Variants in CES5A observed in about 807,000 individuals in gnomAD.
CES5A encodes the protein carboxylesterase 5.
A neutral mutation model predicts 62.9 loss-of-function variants in CES5A; 67 were observed. The ratio of observed to expected loss-of-function variants is 1.07; its 90% CI spans 0.88 to 1.31. The LOEUF is 1.31. Ranked by LOEUF, CES5A falls within the 50% of genes most tolerant of loss-of-function variation. CES5A has a pLI of 0.00. For synonymous variants in CES5A, 296 were observed against 280.8 expected (o/e 1.05, Z -0.54); for missense variants, 748 against 708.5 (o/e 1.06, Z -0.63).
In CES5A at chr16:55,846,775, G is replaced by A. The variant is rs764165020; in HGVS notation, c.1489C>T (p.Arg497Ter). The A allele has an allele frequency of 1.1e-5, 18 of 1,613,972 alleles. No individual in the cohort carries two copies. Among genetic ancestry groups the A allele is most frequent in the East Asian group, 2.2e-5 (1 of 44,878 alleles). ...ACCGGGAGGTTTACTTACCCGGTTC[G>A]AGCAAAGGTAGCCCAGTATTTCATC... Reference protein sequence around the residue: ...KMMKYWATFARTGNPNGNDLS... With the variant: ...KMMKYWATFA The change falls in exon 12 of 13, where the codon CGA becomes TGA. Residue 497 changes from arginine to a stop codon, truncating the protein, a stop_gained. Coordinates refer to ENST00000290567, the MANE Select transcript of CES5A (RefSeq NM_001143685.2). LOFTEE classifies it low-confidence loss of function (END_TRUNC).
rs1380276667 is a variant in CES5A at position 55,911,182 on chromosome 16, T to A, written c.-256+14141A>T. Among the ~76,000 whole-genome samples the A allele has an allele frequency of 2.0e-5, 3 of 152,168 alleles. No individual in the cohort carries two copies. The East Asian group carries it at 5.8e-4, about 29-fold the overall frequency. ...TTGTTGCTCTGCCCCAGCCCCCACATGTCCTCCTTCTCTGCATGGTGAAAC... is the reference window on the plus strand; with the variant it reads ...TTGTTGCTCTGCCCCAGCCCCCACAAGTCCTCCTTCTCTGCATGGTGAAAC... On this transcript the variant is annotated intron_variant, in intron 1 of 12. Coordinates refer to the CES5A transcript ENST00000518005.
intron 1 of CES5A, among the ~76,000 whole-genome samples, chr16:55,874,310 C>T (rs866550544): frequency 9.9e-5 from 15 of 152,196 alleles, no homozygotes; most frequent in Admixed American, 3.9e-4. Context: ...AAACCCATCT[C>T]CCTTCTGCTG....
chr16:55,867,276 CT>C (rs2033484371), intron 4 of CES5A, among the ~76,000 whole-genome samples: 2 of 152,236 alleles, frequency 1.3e-5, no homozygotes, highest in South Asian at 4.1e-4. Context: ...AGGTTAAACC[CT>C]CTTGCCCAAG....
At chr16:55,949,462 C>A (rs777119378) in intron 2 of CES5A, among the ~76,000 whole-genome samples, 1 of 152,220 alleles carries the variant, frequency 6.6e-6, no homozygotes, top group Non-Finnish European at 1.5e-5. Flanking sequence ...GTCCTTCATT[C>A]CTAGAAGCTG....
Position 55,873,828 on chromosome 16 carries a change from C to A in CES5A, c.278+5G>T, listed in dbSNP as rs2033643327. ...AACCACCCGTGGGCCCGAACCTGGT[C>A]TTACAAATTAGGGTAGGAGGTGGCT... is the stretch of plus-strand genomic sequence containing the variant. On this transcript the variant is annotated splice_donor_5th_base_variant and intron_variant, in intron 2 of 12. Transcript: ENST00000290567. 1 of 1,610,380 alleles carries A rather than the reference C, an allele frequency of 6.2e-7. No homozygotes were observed. Among genetic ancestry groups the A allele is most frequent in the African/African-American group, 1.3e-5 (1 of 74,906 alleles).
At chr16:55,939,590 A>G (rs1174500276) in intron 2 of CES5A, among the ~76,000 whole-genome samples, 1 of 152,192 alleles carries the variant, frequency 6.6e-6, no homozygotes, top group Admixed American at 6.5e-5. Context: ...GAGACACTGT[A>G]TAGTTCTGGG....
intron 2 of CES5A, among the ~76,000 whole-genome samples, chr16:55,942,729 C>T (rs1380879773): frequency 1.3e-5 from 2 of 152,184 alleles, no homozygotes; most frequent in Admixed American, 6.5e-5. Context: ...GAAGAGGATG[C>T]TCATTGCAGT....
At chr16:55,878,039 C>G (rs2033716341), upstream of CES5A, among the ~76,000 whole-genome samples, 1 of 152,128 alleles carries the variant, frequency 6.6e-6, no homozygotes, top group Non-Finnish European at 1.5e-5. Flanking sequence ...ACCTTGATGT[C>G]CCCATTAGTA....
intron 1 of CES5A, among the ~76,000 whole-genome samples, chr16:55,905,567 A>G (rs935282652): frequency 5.9e-5 from 9 of 151,930 alleles, no homozygotes; most frequent in Non-Finnish European, 1.2e-4. Flanking sequence ...GGGTTTTACC[A>G]TGTTGGTCAG....
chr16:55,857,105 G>T (rs2033258531), intron 8 of CES5A, among the ~76,000 whole-genome samples: 1 of 152,154 alleles, frequency 6.6e-6, no homozygotes, highest in African/African-American at 2.4e-5. Flanking sequence ...TGTGGGTGGG[G>T]CCACAAAGAA....
chr16:55,859,682 T>G lies in CES5A; in HGVS notation c.921A>C (p.Thr307=), dbSNP rs530759766. The G allele has an allele frequency of 1.2e-6, 2 of 1,603,782 alleles. No individual in the cohort carries two copies. The highest frequency in any genetic ancestry group is 1.7e-5 in the Admixed American group (1 of 57,276). The change falls in exon 8 of 13, where the codon ACA becomes ACC. Residue 307 remains threonine (T), a synonymous_variant. Coordinates refer to ENST00000290567, the MANE Select transcript of CES5A (RefSeq NM_001143685.2). The part of the protein sequence containing the change: ...SKELLTLSQK[T]KSFTRVVDGA... ...CATCAACCACTCGAGTGAAAGACTT[T>G]GTTTTCTGTAATAAGGAAGAAAAAA...
intron 1 of CES5A, among the ~76,000 whole-genome samples, chr16:55,911,056 A>G (rs1415168362): frequency 6.6e-6 from 1 of 152,036 alleles, no homozygotes; most frequent in Admixed American, 6.6e-5. Context: ...CTCCCCACTC[A>G]TCTGCCAGTG....
intron 2 of CES5A, among the ~76,000 whole-genome samples, chr16:55,940,636 C>T (rs980521775): frequency 4.6e-5 from 7 of 151,764 alleles, no homozygotes; most frequent in African/African-American, 1.7e-4. Context: ...CAATTTCTTT[C>T]AGAAAATAGA....
At position 55,846,951 on chromosome 16, in the gene CES5A, A is replaced by G. The variant is rs2033026280; in HGVS notation, c.1424-111T>C. The stretch of plus-strand genomic sequence containing the variant: ...ACCCCTCCTCCCACTGTAAACTTAC[A>G]AGCCTACCAAGTCACTGTACCCATT... On this transcript the variant is annotated intron_variant, in intron 11 of 12. Coordinates refer to ENST00000290567, the MANE Select transcript of CES5A (RefSeq NM_001143685.2). 4.5e-6 allele frequency: 4 copies of G among 890,824 alleles called. No individual in the cohort carries two copies. The South Asian group carries it at 6.0e-5, about 13-fold the overall frequency. The allele number at this position is 890,824 out of a possible 1,614,324, so 55.2% of individuals were successfully genotyped here.
At chr16:55,907,524 T>C (rs2034050934) in intron 1 of CES5A, among the ~76,000 whole-genome samples, 2 of 152,212 alleles carry the variant, frequency 1.3e-5, no homozygotes, top group African/African-American at 2.4e-5. Flanking sequence ...AGAGGTTATG[T>C]TGTGGTTGAG....
intron 2 of CES5A, among the ~76,000 whole-genome samples, chr16:55,932,454 G>A (rs1217066584): frequency 6.6e-6 from 1 of 151,634 alleles, no homozygotes; most frequent in African/African-American, 2.4e-5. Context: ...ATGAGACAAA[G>A]AGTAAATATG....
intron 1 of CES5A, among the ~76,000 whole-genome samples, chr16:55,901,319 T>TA (rs35024439): frequency 0.73 from 111,480 of 152,008 alleles, 40,948 homozygotes; most frequent in African/African-American, 0.77. Context: ...CTTTCCTTTA[T>TA]AATTACCCAG....
chr16:55,854,544 C>CTTTCTTTTTTTTTTTT (rs2033200146), intron 9 of CES5A, among the ~76,000 whole-genome samples: 2 of 64,416 alleles, frequency 3.1e-5, no homozygotes, highest in East Asian at 1.2e-3. Flanking sequence ...TTTTTTTTTT[C>CTTTCTTTTTTTTTTTT]TTTTTTTTTT....
chr16:55,902,122 C>T (rs771753859), intron 1 of CES5A, among the ~76,000 whole-genome samples: 31 of 152,152 alleles, frequency 2.0e-4, no homozygotes, highest in Non-Finnish European at 4.0e-4. Context: ...AAAGATTTTC[C>T]ATGTCCTCTC....
Sources: allele counts gnomAD v4.1 joint callset (sites outside exome capture counted in the v4.1 genomes callset), GRCh38; gene constraint gnomAD v4.1.1; transcripts MANE v1.5; gene names NCBI Gene and HGNC (gene_info 2026-07-23, HGNC 2026-07-21).